The following C12orf56 variants were observed in gnomAD, a reference collection of about 807,000 sequenced individuals.
The protein encoded by C12orf56 is uncharacterized protein C12orf56.
C12orf56 carries 71 observed loss-of-function variants against 69.9 expected under a neutral mutation model. The ratio of observed to expected loss-of-function variants is 1.02; its 90% confidence interval spans 0.84 to 1.24. The LOEUF is 1.24. C12orf56 is among the 50% of genes most tolerant of loss of function. C12orf56 has a pLI of 0.00. For synonymous variants in C12orf56, 276 were observed against 274.1 expected (o/e 1.01, Z -0.07); for missense variants, 732 against 738.5 (o/e 0.99, Z 0.10).
chr12:64,280,294 G>A (rs1470783868), intron 8 of C12orf56, among the ~76,000 whole-genome samples: 1 of 152,144 alleles, frequency 6.6e-6, no homozygotes, highest in African/African-American at 2.4e-5. Flanking sequence ...TTAGAGGATT[G>A]ACATCACAGC....
chr12:64,349,061 C>T (rs1487278981), intron 2 of C12orf56, among the ~76,000 whole-genome samples: 1 of 152,138 alleles, frequency 6.6e-6, no homozygotes, highest in African/African-American at 2.4e-5. Flanking sequence ...GGTGTGATCT[C>T]AGCTGACTGC....
chr12:64,301,973 T>G (rs1374928741), intron 6 of C12orf56, among the ~76,000 whole-genome samples: 1 of 152,208 alleles, frequency 6.6e-6, no homozygotes, highest in Non-Finnish European at 1.5e-5. Flanking sequence ...AAGTCTTTAC[T>G]AGCAAGGAAA....
chr12:64,270,340 G>T (rs1028619379), intron 12 of C12orf56, among the ~76,000 whole-genome samples, 196 bp downstream of exon 12: 1 of 152,168 alleles, frequency 6.6e-6, no homozygotes, highest in African/African-American at 2.4e-5. Flanking sequence ...GGCAGAGGTT[G>T]CAGTGAGCCA....
chr12:64,329,538 T>C (rs1172112544), intron 3 of C12orf56, among the ~76,000 whole-genome samples: 2 of 151,656 alleles, frequency 1.3e-5, no homozygotes, highest in African/African-American at 4.8e-5. Context: ...TATTTTTTAT[T>C]ATTACACTTT....
At chr12:64,271,723 T>C (rs951572947) in intron 11 of C12orf56, among the ~76,000 whole-genome samples, 1 of 152,224 alleles carries the variant, frequency 6.6e-6, no homozygotes, top group Non-Finnish European at 1.5e-5. Flanking sequence ...AAACATATAT[T>C]GCCTGGCAAA....
Position 64,323,418 on chromosome 12 carries a change from A to G in C12orf56, c.489-4438T>C, listed in dbSNP as rs1319781252. 2.6e-5 allele frequency among the ~76,000 whole-genome samples: 4 copies of G among 152,324 alleles called. No individual in the cohort carries two copies. The South Asian group carries it at 8.3e-4, about 32-fold the overall frequency. ...TATATCTTTATATATTTCCATTTCTAAATATATCTGTTGAATGAATACTGA... is the reference window on the plus strand; with the variant it reads ...TATATCTTTATATATTTCCATTTCTGAATATATCTGTTGAATGAATACTGA... On this transcript the variant is annotated intron_variant, in intron 3 of 12. Transcript: ENST00000543942.
chr12:64,354,124 G>GTT (rs1461987094), intron 1 of C12orf56, among the ~76,000 whole-genome samples: 1 of 152,194 alleles, frequency 6.6e-6, no homozygotes, highest in African/African-American at 2.4e-5. Context: ...AAACATCTAG[G>GTT]TTTGAACTAC....
chr12:64,380,232 C>T (rs529867847), intron 1 of C12orf56, among the ~76,000 whole-genome samples: 2 of 150,562 alleles, frequency 1.3e-5, no homozygotes, highest in Non-Finnish European at 3.0e-5. Flanking sequence ...ACATGAGCAT[C>T]ATGAGACCTA....
At chr12:64,281,002 G>T (rs2038116011) in intron 8 of C12orf56, among the ~76,000 whole-genome samples, 1 of 152,182 alleles carries the variant, frequency 6.6e-6, no homozygotes, top group African/African-American at 2.4e-5. Context: ...GCTGGGCACG[G>T]TGGCTCATAC....
At chr12:64,320,759 T>C (rs1212837992) in intron 3 of C12orf56, among the ~76,000 whole-genome samples, 5 of 152,156 alleles carry the variant, frequency 3.3e-5, no homozygotes, top group Admixed American at 3.3e-4. Context: ...GCCTCCTGCA[T>C]GAGGCCCCAG....
At chr12:64,278,439 G>A (rs1449754285) in intron 8 of C12orf56, among the ~76,000 whole-genome samples, 1 of 151,952 alleles carries the variant, frequency 6.6e-6, no homozygotes, top group Non-Finnish European at 1.5e-5. Flanking sequence ...AGGCTTGAGC[G>A]ACCACTTTCA....
rs146388451 is a variant in C12orf56, at chr12:64,278,438, C to T, written c.1311-635G>A. Among the ~76,000 whole-genome samples the T allele has an allele frequency of 4.5e-3, 686 of 152,010 alleles. 5 individuals are homozygous for T. Among genetic ancestry groups the T allele is most frequent in the African/African-American group, 0.015 (626 of 41,460 alleles). ...AAGTAGCTGAGATTACAGGCTTGAGCGACCACTTTCAGTTTTTACTTTTTT... is the reference window on the plus strand; with the variant it reads ...AAGTAGCTGAGATTACAGGCTTGAGTGACCACTTTCAGTTTTTACTTTTTT... On this transcript the variant is annotated intron_variant, in intron 8 of 12. Coordinates refer to ENST00000543942, the MANE Select transcript of C12orf56 (RefSeq NM_001170633.2).
intron 6 of C12orf56, among the ~76,000 whole-genome samples, chr12:64,287,293 A>AGTG (rs1053377783): frequency 6.8e-6 from 1 of 147,756 alleles, no homozygotes; most frequent in African/African-American, 2.5e-5. Context: ...AAGAAGAAGA[A>AGTG]GTGCTTGGGT....
rs192570718 is a variant in C12orf56 at position 64,282,923 on chromosome 12, C to A, written c.1310+1741G>T. The stretch of plus-strand genomic sequence containing the variant: ...CTTTGGGAGGCCGAAGCAGGCGGAT[C>A]ACCTGAGGTCGGGGTTTGAGACCAG... On this transcript the variant is annotated intron_variant, in intron 8 of 12. Transcript: ENST00000543942. Among the ~76,000 whole-genome samples, 647 of 152,120 alleles carry A rather than the reference C, an allele frequency of 4.3e-3. 4 individuals are homozygous for A. The highest frequency in any genetic ancestry group is 7.0e-3 in the Non-Finnish European group (478 of 67,998).
At chr12:64,338,620 C>A (rs550842955) in intron 2 of C12orf56, 2 of 1,590,888 alleles carry the variant, frequency 1.3e-6, no homozygotes, top group South Asian at 1.1e-5. Flanking sequence ...TCTCTTTCTT[C>A]TCATAATATT....
intron 1 of C12orf56, among the ~76,000 whole-genome samples, chr12:64,374,750 G>A (rs982673159): frequency 6.6e-6 from 1 of 151,736 alleles, no homozygotes; most frequent in African/African-American, 2.4e-5. Flanking sequence ...CACCATGTTG[G>A]CCAGACTAGT....
intron 1 of C12orf56, among the ~76,000 whole-genome samples, chr12:64,364,069 T>C (rs558318606): frequency 6.6e-6 from 1 of 152,054 alleles, no homozygotes; most frequent in East Asian, 1.9e-4. Context: ...TCCCAGAACT[T>C]TGGGAGGCCG....
chr12:64,353,847 A>G (rs1019922857), intron 1 of C12orf56, among the ~76,000 whole-genome samples: 1 of 151,898 alleles, frequency 6.6e-6, no homozygotes, highest in African/African-American at 2.4e-5. Context: ...ACGCCCAGCT[A>G]ATTTTTGTAT....
chr12:64,318,544 C>G, intron 4 of C12orf56, 31 bp downstream of exon 4: 1 of 1,449,846 alleles, frequency 6.9e-7, no homozygotes, highest in Non-Finnish European at 9.1e-7. Context: ...TATAAAAATT[C>G]AGGTTAAGGT....
Sources: gnomAD v4.1 joint callset for allele counts (sites outside exome capture counted in the v4.1 genomes callset) on GRCh38, gnomAD v4.1.1 for gene constraint, MANE v1.5 for transcripts, NCBI Gene and HGNC (gene_info 2026-07-23, HGNC 2026-07-21) for gene names.